The following LDAF1 variants were observed in gnomAD, a reference collection of about 807,000 sequenced individuals.
The protein encoded by LDAF1 is lipid droplet assembly factor 1, also known as PROMETHIN.
Under a neutral mutation model 13.5 loss-of-function variants are expected in LDAF1, and 7 were observed. The ratio of observed to expected loss-of-function variants is 0.52; its 90% CI spans 0.29 to 0.97. LDAF1 has a LOEUF of 0.97. Ranked by LOEUF, LDAF1 falls within the 50% of genes least tolerant of loss-of-function variation. LDAF1 has a pLI of 0.07. For missense variants in LDAF1, 148 were observed against 193.2 expected (o/e 0.77, Z 1.39); for synonymous variants, 69 against 77.1 (o/e 0.89, Z 0.55).
chr16:21,168,917 T>G (rs2093057065), intron 2 of LDAF1, among the ~76,000 whole-genome samples: 2 of 135,622 alleles, frequency 1.5e-5, no homozygotes, highest in South Asian at 4.4e-4. Flanking sequence ...TATATTTATT[T>G]ATATTTATAT....
chr16:21,159,122 C>T (rs898404989), intron 1 of LDAF1, among the ~76,000 whole-genome samples: 1 of 152,030 alleles, frequency 6.6e-6, no homozygotes, highest in Non-Finnish European at 1.5e-5. Flanking sequence ...AGGCAAACCT[C>T]CCTAGGATTA....
At chr16:21,163,912 C>T (rs1299323677) in intron 2 of LDAF1, among the ~76,000 whole-genome samples, 7 of 152,074 alleles carry the variant, frequency 4.6e-5, no homozygotes, top group Admixed American at 6.5e-5. Context: ...ATTTTGGCCA[C>T]GCTGATCTCC....
intron 2 of LDAF1, 126 bp downstream of exon 2, chr16:21,161,404 C>A: frequency 1.7e-6 from 2 of 1,169,080 alleles, no homozygotes; most frequent in Non-Finnish European, 2.4e-6. Context: ...TCTGGCTTAC[C>A]GCCCTGCCAT....
intron 2 of LDAF1, among the ~76,000 whole-genome samples, chr16:21,161,632 T>C (rs2092975849): frequency 6.6e-6 from 1 of 152,234 alleles, no homozygotes; most frequent in African/African-American, 2.4e-5. Flanking sequence ...TGCAATTCTT[T>C]AGCTGGATAA....
chr16:21,173,035 G>GA lies in LDAF1; in HGVS notation c.266-969dup, dbSNP rs928902698. Among the ~76,000 whole-genome samples, 4 of 151,976 alleles carry GA rather than the reference G, an allele frequency of 2.6e-5. No individual in the cohort carries two copies. In the South Asian group the frequency reaches 8.3e-4, roughly 32 times the overall value. The stretch of plus-strand genomic sequence containing the variant: ...TTCCCCCCCACAGGCCCCACATTAT[G>GA]AAAAAATGTATTTTCCTTGCACGTA... On this transcript the variant is annotated intron_variant, in intron 3 of 4. Transcript: ENST00000233047.
At chr16:21,160,884 T>G in intron 1 of LDAF1, 5 of 440,312 alleles carry the variant, frequency 1.1e-5, no homozygotes, top group Non-Finnish European at 1.8e-5. Context: ...TAGTACATTT[T>G]GAGATACCTG....
chr16:21,161,382 G>A, intron 2 of LDAF1, 104 bp downstream of exon 2: 1 of 1,393,282 alleles, frequency 7.2e-7, no homozygotes, highest in Non-Finnish European at 9.6e-7. Flanking sequence ...TTGGAGGTAA[G>A]TCAAGAATCT....
In LDAF1 at chr16:21,159,334, A is replaced by T. The variant is rs917775592; in HGVS notation, c.-99+588A>T. 1.1e-5 allele frequency: 18 copies of T among 1,612,914 alleles called. No homozygotes were observed. The highest frequency in any genetic ancestry group is 1.2e-5 in the Non-Finnish European group (14 of 1,179,770). The stretch of plus-strand genomic sequence containing the variant: ...CGGACCCCCTCTCCACCTGCATTTC[A>T]CTCCCTTCCTCCTCTCCTTGGGTCT... On this transcript the variant is annotated intron_variant, in intron 1 of 4. Coordinates refer to ENST00000233047, the MANE Select transcript of LDAF1 (RefSeq NM_001301771.2).
rs2093168541 is a variant in LDAF1 at position 21,179,925 on chromosome 16, G to T, written c.*369G>T. ...GATTGTTTATAGTTTTTTGTTTTCAGAAATGAGGGCAGCTGTTAATTTTTT... is the reference window on the plus strand; with the variant it reads ...GATTGTTTATAGTTTTTTGTTTTCATAAATGAGGGCAGCTGTTAATTTTTT... On this transcript the variant is annotated 3_prime_UTR_variant, in exon 5 of 5. Transcript: ENST00000233047. 1 of 162,618 alleles carries T rather than the reference G, an allele frequency of 6.1e-6. No individual in the cohort carries two copies. The highest frequency in any genetic ancestry group is 6.1e-5 in the Admixed American group (1 of 16,314). 10.1% of individuals were successfully genotyped at this position (162,618 alleles called of 1,614,324 possible).
At chr16:21,173,145 A>G (rs142916935) in intron 3 of LDAF1, among the ~76,000 whole-genome samples, 15 of 152,338 alleles carry the variant, frequency 9.8e-5, no homozygotes, top group African/African-American at 3.6e-4. Flanking sequence ...AAAATGACCA[A>G]TCAGACCTTA....
intron 4 of LDAF1, chr16:21,177,359 A>G (rs775046530): frequency 6.7e-6 from 1 of 149,670 alleles, no homozygotes; most frequent in Non-Finnish European, 1.5e-5. Flanking sequence ...GTTAGCTGAA[A>G]TGTGAAATTT....
intron 2 of LDAF1, among the ~76,000 whole-genome samples, chr16:21,163,293 A>C (rs979683673): frequency 6.6e-6 from 1 of 152,132 alleles, no homozygotes; most frequent in African/African-American, 2.4e-5. Context: ...CTCAGCTGGG[A>C]ATGTACGTGG....
At chr16:21,177,302 A>T (rs1393264663) in intron 4 of LDAF1, 1 of 150,172 alleles carries the variant, frequency 6.7e-6, no homozygotes, top group African/African-American at 2.5e-5. Flanking sequence ...GATTGTGGAT[A>T]TTCTATGATA....
intron 3 of LDAF1, among the ~76,000 whole-genome samples, chr16:21,171,353 C>T (rs964240077): frequency 2.6e-5 from 4 of 152,192 alleles, no homozygotes; most frequent in African/African-American, 9.7e-5. Context: ...TGGTCCATTC[C>T]GTGGCTTCCC....
intron 2 of LDAF1, among the ~76,000 whole-genome samples, chr16:21,168,461 T>C (rs2093047116): frequency 6.6e-6 from 1 of 150,624 alleles, no homozygotes; most frequent in Non-Finnish European, 1.5e-5. Context: ...AGACAAGTGA[T>C]TAGCTTTTAA....
intron 2 of LDAF1, among the ~76,000 whole-genome samples, chr16:21,164,639 G>C (rs1037389264): frequency 7.2e-5 from 11 of 152,232 alleles, no homozygotes; most frequent in Admixed American, 7.2e-4. Flanking sequence ...CTTTAGCACA[G>C]AGGGTGGCGC....
intron 1 of LDAF1, chr16:21,159,417 G>C (rs2092938787): frequency 1.2e-6 from 2 of 1,614,054 alleles, no homozygotes; most frequent in East Asian, 4.5e-5. Flanking sequence ...GCCAGTGTGA[G>C]CTCGAGGCGC....
At chr16:21,166,228 G>T (rs957054209) in intron 2 of LDAF1, among the ~76,000 whole-genome samples, 4 of 151,828 alleles carry the variant, frequency 2.6e-5, no homozygotes, top group Non-Finnish European at 4.4e-5. Flanking sequence ...AATTTCAACA[G>T]GTAATATAAA....
intron 4 of LDAF1, chr16:21,177,456 G>A (rs1409302519): frequency 6.6e-6 from 1 of 151,900 alleles, no homozygotes; most frequent in Non-Finnish European, 1.5e-5. Context: ...TTTACCCATT[G>A]GTCAATGGGA....
Sources: gnomAD v4.1 joint callset for allele counts (sites outside exome capture counted in the v4.1 genomes callset) on GRCh38, gnomAD v4.1.1 for gene constraint, MANE v1.5 for transcripts, NCBI Gene and HGNC (gene_info 2026-07-23, HGNC 2026-07-21) for gene names.